The following MSRB3 variants were observed in gnomAD, a reference collection of about 807,000 sequenced individuals.
MSRB3 encodes the protein methionine-R-sulfoxide reductase B3.
A neutral mutation model predicts 21.0 loss-of-function variants in MSRB3; 13 were observed. The observed-to-expected ratio is 0.62, with a 90% confidence interval of 0.40 to 0.98. The LOEUF (loss-of-function observed/expected upper bound fraction) is 0.98, where lower values mean the gene tolerates loss of function less well. Ranked by LOEUF, MSRB3 falls within the 50% of genes least tolerant of loss-of-function variation. The pLI, the probability that MSRB3 is intolerant of heterozygous loss-of-function variation, is 0.00. For synonymous variants in MSRB3, 87 were observed against 88.6 expected (o/e 0.98, Z 0.10); for missense variants, 199 against 230.3 (o/e 0.86, Z 0.88).
intron 1 of MSRB3, among the ~76,000 whole-genome samples, chr12:65,295,276 G>C (rs1158007715): frequency 6.6e-6 from 1 of 152,168 alleles, no homozygotes; most frequent in Non-Finnish European, 1.5e-5. Flanking sequence ...TTTTCTACAG[G>C]AGAAACTTAG....
intron 1 of MSRB3, chr12:65,279,218 C>A: frequency 2.4e-6 from 1 of 417,226 alleles, no homozygotes; most frequent in Non-Finnish European, 3.7e-6. Context: ...GGGCAGCCCG[C>A]GGGAGGCAGG....
At chr12:65,412,642 G>A (rs1280333151) in intron 5 of MSRB3, among the ~76,000 whole-genome samples, 3 of 152,056 alleles carry the variant, frequency 2.0e-5, no homozygotes, top group Non-Finnish European at 4.4e-5. Flanking sequence ...AATTACTTTA[G>A]CACCAACCTA....
intron 4 of MSRB3, among the ~76,000 whole-genome samples, chr12:65,341,373 G>C (rs1448858477): frequency 1.5e-5 from 2 of 129,606 alleles, no homozygotes; most frequent in Non-Finnish European, 3.0e-5. Context: ...AACTCATGGA[G>C]AGAGAGAGAG....
chr12:65,349,800 T>C (rs540932644), intron 4 of MSRB3, among the ~76,000 whole-genome samples: 2 of 151,962 alleles, frequency 1.3e-5, no homozygotes, highest in African/African-American at 4.9e-5. Context: ...TTGTAGATTC[T>C]GGATATTAGC....
chr12:65,328,741 C>T (rs1401852257), intron 4 of MSRB3, 138 bp downstream of exon 4: 1 of 697,500 alleles, frequency 1.4e-6, no homozygotes, highest in African/African-American at 1.8e-5. Flanking sequence ...CCCAACAAAA[C>T]AAAAGTAATT....
chr12:65,395,169 G>A (rs1389602897), intron 5 of MSRB3, among the ~76,000 whole-genome samples: 1 of 152,132 alleles, frequency 6.6e-6, no homozygotes, highest in African/African-American at 2.4e-5. Flanking sequence ...ATATGATCTT[G>A]TATATAGAAA....
intron 5 of MSRB3, among the ~76,000 whole-genome samples, chr12:65,442,510 T>A (rs1273816823): frequency 6.6e-6 from 1 of 152,020 alleles, no homozygotes; most frequent in Admixed American, 6.6e-5. Flanking sequence ...CCATCCTATA[T>A]CTCACTTGGT....
In MSRB3 at chr12:65,463,283, G is replaced by A; in HGVS notation, c.519G>A (p.Gly173=). The A allele has an allele frequency of 6.2e-7, 1 of 1,614,186 alleles. No homozygotes were observed. The highest frequency in any genetic ancestry group is 8.5e-7 in the Non-Finnish European group (1 of 1,180,046). ...DSSGTAEGGS[G]VASPAQADKA... is the part of the protein sequence containing the mutation. ...GTGGCACCGCCGAGGGAGGCAGTGG[G>A]GTCGCCAGCCCGGCCCAGGCAGACA... The change falls in exon 7 of 7, where the codon GGG becomes GGA. Residue 173 remains glycine (G), a synonymous_variant. Coordinates refer to ENST00000308259, the MANE Select transcript of MSRB3 (RefSeq NM_001031679.3).
At chr12:65,293,092 G>T (rs1872751936) in intron 1 of MSRB3, among the ~76,000 whole-genome samples, 1 of 152,032 alleles carries the variant, frequency 6.6e-6, no homozygotes, top group African/African-American at 2.4e-5. Flanking sequence ...TTTTTTGCCT[G>T]AACTTAAGCC....
At chr12:65,372,646 G>A (rs1429426272) in intron 5 of MSRB3, among the ~76,000 whole-genome samples, 3 of 152,224 alleles carry the variant, frequency 2.0e-5, no homozygotes, top group African/African-American at 7.2e-5. Context: ...AAGAAGGGAA[G>A]TTAGTTGATG....
At chr12:65,330,967 C>T (rs534781434) in intron 4 of MSRB3, among the ~76,000 whole-genome samples, 16 of 151,982 alleles carry the variant, frequency 1.1e-4, no homozygotes, top group East Asian at 9.7e-4. Flanking sequence ...GTCTTTTTTT[C>T]GGACACAGAA....
intron 2 of MSRB3, among the ~76,000 whole-genome samples, chr12:65,315,731 T>C (rs1293110768): frequency 6.6e-6 from 1 of 151,738 alleles, no homozygotes; most frequent in Admixed American, 6.6e-5. Context: ...ATTTAGATGG[T>C]TAATAAGAGA....
chr12:65,291,720 G>A (rs1260450167), intron 1 of MSRB3, among the ~76,000 whole-genome samples: 1 of 152,156 alleles, frequency 6.6e-6, no homozygotes, highest in Non-Finnish European at 1.5e-5. Flanking sequence ...ATGGCATGTT[G>A]TAGAAAGAGT....
chr12:65,368,096 G>A (rs540115578), intron 4 of MSRB3, among the ~76,000 whole-genome samples: 1 of 152,038 alleles, frequency 6.6e-6, no homozygotes, highest in African/African-American at 2.4e-5. Flanking sequence ...GCTTCCAAAA[G>A]TGCTTTGGAA....
chr12:65,286,174 A>G (rs1483811348), intron 1 of MSRB3: 1 of 152,194 alleles, frequency 6.6e-6, no homozygotes, highest in Non-Finnish European at 1.5e-5. Context: ...GTCTATGGAC[A>G]CTTGATTTCT....
intron 5 of MSRB3, among the ~76,000 whole-genome samples, chr12:65,437,114 A>G (rs1882154998): frequency 6.6e-6 from 1 of 151,906 alleles, no homozygotes. Flanking sequence ...CTTGAGCTAA[A>G]TAGTGACAGT....
chr12:65,446,034 T>G (rs1882602348), intron 5 of MSRB3, among the ~76,000 whole-genome samples: 1 of 152,218 alleles, frequency 6.6e-6, no homozygotes, highest in South Asian at 2.1e-4. Context: ...AAACTAATGA[T>G]TTTCTTTTTG....
chr12:65,303,043 A>G (rs568384911), intron 1 of MSRB3, among the ~76,000 whole-genome samples: 248 of 152,074 alleles, frequency 1.6e-3, no homozygotes, highest in African/African-American at 5.6e-3. Flanking sequence ...TCATTATTTG[A>G]CAAAACTCAA....
At chr12:65,434,921 C>T (rs537551812) in intron 5 of MSRB3, among the ~76,000 whole-genome samples, 6 of 151,910 alleles carry the variant, frequency 3.9e-5, no homozygotes, top group South Asian at 4.1e-4. Flanking sequence ...GAGCCGGGAT[C>T]GATTTAGGCA....
Sources: allele counts gnomAD v4.1 joint callset (sites outside exome capture counted in the v4.1 genomes callset), GRCh38; gene constraint gnomAD v4.1.1; transcripts MANE v1.5; gene names NCBI Gene and HGNC (gene_info 2026-07-23, HGNC 2026-07-21).